Variants in CHODL observed in about 807,000 individuals in gnomAD.
CHODL encodes transmembrane protein MT75.
A neutral mutation model predicts 34.5 loss-of-function variants in CHODL; 29 were observed. The ratio of observed to expected loss-of-function variants is 0.84; its 90% CI spans 0.63 to 1.15. The LOEUF (loss-of-function observed/expected upper bound fraction) is 1.15, where lower values mean the gene tolerates loss of function less well. CHODL is among the 50% of genes most tolerant of loss of function. The pLI is 0.00. For missense variants in CHODL, 332 were observed against 332.5 expected (o/e 1.00, Z 0.01); for synonymous variants, 125 against 116.1 (o/e 1.08, Z -0.49).
chr21:18,004,777 G>A (rs542195947), intron 1 of CHODL, among the ~76,000 whole-genome samples: 1 of 150,338 alleles, frequency 6.7e-6, no homozygotes, highest in Non-Finnish European at 1.5e-5. Context: ...ATGTAAAACA[G>A]AAATGATATC....
intron 2 of CHODL, among the ~76,000 whole-genome samples, chr21:18,029,073 C>T (rs2064217687): frequency 6.6e-6 from 1 of 152,028 alleles, no homozygotes; most frequent in Non-Finnish European, 1.5e-5. Flanking sequence ...TCTTAGAGTT[C>T]TTATGGCCTC....
rs2074467101 is a variant in CHODL, at chr21:18,266,722, G to T, written c.*684G>T. The T allele has an allele frequency of 6.5e-6, 1 of 152,698 alleles. No homozygotes were observed. Among genetic ancestry groups the T allele is most frequent in the South Asian group, 2.1e-4 (1 of 4,832 alleles). The allele number at this position is 152,698 out of a possible 1,614,324, so 9.5% of individuals were successfully genotyped here. On this transcript the variant is annotated 3_prime_UTR_variant, in exon 6 of 6. Coordinates refer to ENST00000299295, the MANE Select transcript of CHODL (RefSeq NM_024944.3). ...CTCAAACATTTTACTTAGAGGCAAGGATTGTCTAATTTCAATTGTGCAAGA... is the reference window on the plus strand; with the variant it reads ...CTCAAACATTTTACTTAGAGGCAAGTATTGTCTAATTTCAATTGTGCAAGA...
intron 1 of CHODL, among the ~76,000 whole-genome samples, chr21:17,939,134 A>AT: frequency 6.6e-6 from 1 of 152,336 alleles, no homozygotes; most frequent in South Asian, 2.1e-4. Context: ...TAAGTGTATA[A>AT]TACATTATTT....
chr21:18,002,793 G>C, intron 1 of CHODL, among the ~76,000 whole-genome samples: 1 of 152,160 alleles, frequency 6.6e-6, no homozygotes, highest in African/African-American at 2.4e-5. Flanking sequence ...TGACACTGGT[G>C]CTTGTAGGAT....
intron 2 of CHODL, among the ~76,000 whole-genome samples, chr21:18,147,540 T>C (rs972446379): frequency 6.6e-6 from 1 of 152,230 alleles, no homozygotes; most frequent in African/African-American, 2.4e-5. Context: ...ATTATTTTCT[T>C]ATAATCACAG....
At position 17,924,488 on chromosome 21, in the gene CHODL, C is replaced by T. The variant is rs8133389; in HGVS notation, c.-145+7088C>T. On this transcript the variant is annotated intron_variant, in intron 1 of 6. Transcript: ENST00000400127. ...GCAGCTGTGCACTTTCCTGCCAACTCCTCTTCCCTGGGCCTGACCTAGCAG... is the reference window on the plus strand; with the variant it reads ...GCAGCTGTGCACTTTCCTGCCAACTTCTCTTCCCTGGGCCTGACCTAGCAG... Among the ~76,000 whole-genome samples the T allele has an allele frequency of 8.1e-3, 1,227 of 152,310 alleles. 21 individuals carry two copies. Among genetic ancestry groups the T allele is most frequent in the African/African-American group, 0.027 (1,138 of 41,568 alleles).
chr21:18,124,317 G>T (rs1206107232), intron 2 of CHODL, among the ~76,000 whole-genome samples: 2 of 152,130 alleles, frequency 1.3e-5, no homozygotes, highest in East Asian at 3.9e-4. Flanking sequence ...GATTAAAACA[G>T]ACCCTCCCCT....
At chr21:18,264,471 G>A (rs1462616594) in intron 5 of CHODL, among the ~76,000 whole-genome samples, 3 of 151,756 alleles carry the variant, frequency 2.0e-5, no homozygotes, top group Non-Finnish European at 2.9e-5. Flanking sequence ...GCGTGGTGGC[G>A]GGCGCCGATA....
chr21:18,208,621 C>G (rs1440365759), intron 2 of CHODL, among the ~76,000 whole-genome samples: 2 of 152,004 alleles, frequency 1.3e-5, no homozygotes, highest in Non-Finnish European at 2.9e-5. Flanking sequence ...TTGTGTGTAT[C>G]CATTCATCTT....
chr21:18,046,288 C>T (rs920292245), intron 2 of CHODL, among the ~76,000 whole-genome samples: 1 of 151,858 alleles, frequency 6.6e-6, no homozygotes, highest in African/African-American at 2.4e-5. Context: ...CTTTGGTGTA[C>T]ATTTAAGCTG....
intron 1 of CHODL, among the ~76,000 whole-genome samples, chr21:17,973,855 C>A (rs1175672209): frequency 2.6e-5 from 4 of 151,100 alleles, no homozygotes; most frequent in Non-Finnish European, 4.4e-5. Flanking sequence ...ATTAGTAACA[C>A]TATTCTTTTT....
intron 2 of CHODL, among the ~76,000 whole-genome samples, chr21:18,137,321 T>C (rs772392710): frequency 2.0e-5 from 3 of 152,192 alleles, no homozygotes; most frequent in Non-Finnish European, 4.4e-5. Flanking sequence ...ATGATCCTTC[T>C]TCAAAGAAAT....
intron 1 of CHODL, among the ~76,000 whole-genome samples, chr21:17,976,265 T>A (rs1408148608): frequency 4.6e-5 from 4 of 87,892 alleles, no homozygotes; most frequent in African/African-American, 1.4e-4. Flanking sequence ...AGTGAGACCA[T>A]CTCAGAAAAA....
At chr21:18,216,675 G>T (rs575018330) in intron 2 of CHODL, among the ~76,000 whole-genome samples, 1 of 152,304 alleles carries the variant, frequency 6.6e-6, no homozygotes, top group South Asian at 2.1e-4. Context: ...AAGGAAAGAG[G>T]TTTAATTGAC....
intron 2 of CHODL, among the ~76,000 whole-genome samples, chr21:18,153,492 T>C (rs945766585): frequency 2.0e-5 from 3 of 152,226 alleles, no homozygotes; most frequent in African/African-American, 7.2e-5. Flanking sequence ...GTAACTTCTC[T>C]GTCTCCCTCT....
At position 18,157,331 on chromosome 21, in the gene CHODL, C is replaced by A. The variant is rs73202904; in HGVS notation, c.-44-99178C>A. 3.9e-3 allele frequency among the ~76,000 whole-genome samples: 592 copies of A among 152,174 alleles called. 5 individuals carry two copies. Among genetic ancestry groups the A allele is most frequent in the Non-Finnish European group, 6.7e-3 (455 of 68,012 alleles). On this transcript the variant is annotated intron_variant, in intron 2 of 6. Transcript: ENST00000400127. ...CTACCATCAATATTGCCATTATTAC[C>A]GTTATGCACTTGGTAACTATACAGA...
rs201822865 is a variant in CHODL, at chr21:18,083,026, T to C, written c.-45+55055T>C. On this transcript the variant is annotated intron_variant, in intron 2 of 6. Transcript: ENST00000400127. ...AATTGCCAAGACAATGGAGAAAATG[T>C]CTCCAGGGCATATCAGAGATCTTGA... Among the ~76,000 whole-genome samples the C allele has an allele frequency of 3.3e-5, 5 of 152,250 alleles. No individual in the cohort carries two copies. The East Asian group carries it at 9.7e-4, about 29-fold the overall frequency.
At chr21:18,146,792 T>A (rs1440035261) in intron 2 of CHODL, among the ~76,000 whole-genome samples, 1 of 152,208 alleles carries the variant, frequency 6.6e-6, no homozygotes, top group Non-Finnish European at 1.5e-5. Flanking sequence ...GTAACCAGTA[T>A]TGTAAAGAAG....
At chr21:18,195,255 T>C (rs900778922) in intron 2 of CHODL, among the ~76,000 whole-genome samples, 18 of 151,996 alleles carry the variant, frequency 1.2e-4, no homozygotes, top group Admixed American at 4.6e-4. Flanking sequence ...GGGGATTCAA[T>C]GTGTTAGCCA....
Sources: allele counts gnomAD v4.1 joint callset (sites outside exome capture counted in the v4.1 genomes callset), GRCh38; gene constraint gnomAD v4.1.1; transcripts MANE v1.5; gene names NCBI Gene and HGNC (gene_info 2026-07-23, HGNC 2026-07-21).